ADAMTSL1: variants seen among roughly 807,000 people sequenced by gnomAD.
The protein encoded by ADAMTSL1 is ADAMTS-like protein 1.
Under a neutral mutation model 201.8 loss-of-function variants are expected in ADAMTSL1, and 126 were observed. That is an observed-to-expected ratio of 0.62 (90% CI 0.54 to 0.72). The LOEUF is 0.72. Among genes scored for constraint, ADAMTSL1 ranks in the 30% least tolerant of loss-of-function variants. The probability of loss-of-function intolerance (pLI) is 0.00; values close to 1 mark genes in which losing one functional copy is unlikely to be tolerated. For synonymous variants in ADAMTSL1, 1,121 were observed against 903.4 expected, an observed-to-expected ratio of 1.24 and a Z score of -4.32; for missense variants, 2,679 against 2,277.8, an observed-to-expected ratio of 1.18 and a Z score of -3.59.
At chr9:18,233,882 G>A (rs1830740571) in intron 2 of ADAMTSL1, among the ~76,000 whole-genome samples, 1 of 152,202 alleles carries the variant, frequency 6.6e-6, no homozygotes, top group Non-Finnish European at 1.5e-5. Flanking sequence ...GTATGGTGCA[G>A]AGATTTGACT....
At chr9:18,312,290 G>A (rs1022727918) in intron 2 of ADAMTSL1, among the ~76,000 whole-genome samples, 2 of 152,184 alleles carry the variant, frequency 1.3e-5, no homozygotes, top group African/African-American at 4.8e-5. Flanking sequence ...AAACCACCTG[G>A]TATATCTAAA....
At chr9:18,163,290 T>C (rs990919128) in intron 1 of ADAMTSL1, among the ~76,000 whole-genome samples, 2 of 152,032 alleles carry the variant, frequency 1.3e-5, no homozygotes, top group African/African-American at 2.4e-5. Flanking sequence ...TGTCACAAGA[T>C]AACCTGTGTA....
chr9:18,225,365 G>T (rs1239922210), intron 2 of ADAMTSL1, among the ~76,000 whole-genome samples: 2 of 152,016 alleles, frequency 1.3e-5, no homozygotes, highest in Admixed American at 1.3e-4. Flanking sequence ...GATCCCACTG[G>T]GTTATGATTT....
intron 1 of ADAMTSL1, among the ~76,000 whole-genome samples, chr9:18,104,096 AG>A (rs1412860744): frequency 8.5e-5 from 13 of 152,322 alleles, no homozygotes; most frequent in Admixed American, 7.2e-4. Flanking sequence ...GAATATGCTT[AG>A]GGGAACTACT....
In ADAMTSL1 at chr9:18,829,831, G is replaced by C; in HGVS notation, c.4115-12G>C. ...CTTTAACCTGCCTGATCCACCCTCTGCCTTCTCACAGATCCCCCCCAAGTC... is the reference window on the plus strand; with the variant it reads ...CTTTAACCTGCCTGATCCACCCTCTCCCTTCTCACAGATCCCCCCCAAGTC... On this transcript the variant is annotated splice_polypyrimidine_tract_variant and intron_variant, in intron 22 of 28. Coordinates refer to ENST00000380548, the MANE Select transcript of ADAMTSL1 (RefSeq NM_001040272.6). The C allele has an allele frequency of 6.2e-7, 1 of 1,613,814 alleles. No individual in the cohort carries two copies.
At chr9:18,102,220 A>G (rs1009180266) in intron 1 of ADAMTSL1, among the ~76,000 whole-genome samples, 2 of 152,116 alleles carry the variant, frequency 1.3e-5, no homozygotes, top group Non-Finnish European at 2.9e-5. Flanking sequence ...TCTTTGAAGT[A>G]TTTCATGGTT....
intron 19 of ADAMTSL1, among the ~76,000 whole-genome samples, chr9:18,792,535 CA>C (rs1822126431): frequency 6.6e-6 from 1 of 152,182 alleles, no homozygotes; most frequent in South Asian, 2.1e-4. Flanking sequence ...GGGAACTTAG[CA>C]TATTTTAATT....
At chr9:18,566,717 T>C (rs967680048) in intron 3 of ADAMTSL1, among the ~76,000 whole-genome samples, 2 of 152,096 alleles carry the variant, frequency 1.3e-5, no homozygotes, top group Admixed American at 1.3e-4. Flanking sequence ...CAAGGGTGAC[T>C]GGAGCTAAGT....
At chr9:18,857,339 A>G (rs1229708868) in intron 23 of ADAMTSL1, among the ~76,000 whole-genome samples, 1 of 152,218 alleles carries the variant, frequency 6.6e-6, no homozygotes, top group African/African-American at 2.4e-5. Flanking sequence ...CATTGCATTT[A>G]GTTGTCATGT....
chr9:18,670,949 C>A (rs1242653298), intron 9 of ADAMTSL1, among the ~76,000 whole-genome samples: 1 of 148,110 alleles, frequency 6.8e-6, no homozygotes, highest in Non-Finnish European at 1.5e-5. Flanking sequence ...TTGAATGTGA[C>A]TTATATCCAC....
At chr9:18,611,038 A>T (rs1469952873) in intron 4 of ADAMTSL1, among the ~76,000 whole-genome samples, 1 of 152,168 alleles carries the variant, frequency 6.6e-6, no homozygotes, top group African/African-American at 2.4e-5. Flanking sequence ...TTCCAGTAAG[A>T]TCCACATTTG....
At chr9:18,112,190 G>C (rs1418524037) in intron 1 of ADAMTSL1, among the ~76,000 whole-genome samples, 1 of 152,128 alleles carries the variant, frequency 6.6e-6, no homozygotes, top group African/African-American at 2.4e-5. Context: ...GCAGTGCTTA[G>C]GTGGGTAGGA....
chr9:17,999,933 C>T (rs1225917956), intron 1 of ADAMTSL1, among the ~76,000 whole-genome samples: 1 of 148,526 alleles, frequency 6.7e-6, no homozygotes, highest in African/African-American at 2.5e-5. Flanking sequence ...AGGACATGAA[C>T]TCATCATTTT....
intron 13 of ADAMTSL1, among the ~76,000 whole-genome samples, chr9:18,699,073 C>T (rs577523281): frequency 1.3e-5 from 2 of 152,312 alleles, no homozygotes; most frequent in East Asian, 1.9e-4. Context: ...TCAGCCCCTG[C>T]AACATTTTCC....
intron 2 of ADAMTSL1, among the ~76,000 whole-genome samples, chr9:18,351,492 GA>G (rs1254306877): frequency 8.6e-5 from 13 of 151,950 alleles, no homozygotes; most frequent in Non-Finnish European, 1.0e-4. Context: ...GAAATGTGAT[GA>G]GAGAAGGTGC....
chr9:18,513,814 G>GGT (rs747480586), intron 2 of ADAMTSL1, among the ~76,000 whole-genome samples: 28 of 152,006 alleles, frequency 1.8e-4, no homozygotes, highest in Non-Finnish European at 3.7e-4. Context: ...GTGTTCTATT[G>GGT]GTGTATATGT....
At chr9:17,957,895 C>T (rs1039872197) in intron 1 of ADAMTSL1, among the ~76,000 whole-genome samples, 1 of 152,126 alleles carries the variant, frequency 6.6e-6, no homozygotes, top group African/African-American at 2.4e-5. Flanking sequence ...CTAGATCCTT[C>T]AGAGGAAGCG....
At chr9:18,301,696 G>T (rs1167730245) in intron 2 of ADAMTSL1, among the ~76,000 whole-genome samples, 1 of 152,200 alleles carries the variant, frequency 6.6e-6, no homozygotes, top group Non-Finnish European at 1.5e-5. Flanking sequence ...CCATGGATAA[G>T]GAGGGACTGC....
intron 1 of ADAMTSL1, among the ~76,000 whole-genome samples, chr9:18,073,926 G>T (rs1341626157): frequency 6.6e-6 from 1 of 152,084 alleles, no homozygotes; most frequent in African/African-American, 2.4e-5. Context: ...TTTGCTAAAG[G>T]TTGCTTCACA....
Sources: allele counts gnomAD v4.1 joint callset (sites outside exome capture counted in the v4.1 genomes callset), GRCh38; gene constraint gnomAD v4.1.1; transcripts MANE v1.5; gene names NCBI Gene and HGNC (gene_info 2026-07-23, HGNC 2026-07-21).